The following FLCN variants were observed in gnomAD, a reference collection of about 807,000 sequenced individuals.
FLCN encodes the protein BHD skin lesion fibrofolliculoma protein.
A neutral mutation model predicts 62.5 loss-of-function variants in FLCN; 22 were observed. The observed-to-expected ratio is 0.35, with a 90% CI of 0.25 to 0.50. The LOEUF is 0.50. Among genes scored for constraint, FLCN ranks in the 20% least tolerant of loss-of-function variants. The pLI is 0.97. For missense variants in FLCN, 657 were observed against 778.0 expected, an observed-to-expected ratio of 0.84 and a Z score of 1.85; for synonymous variants, 319 against 310.0, an observed-to-expected ratio of 1.03 and a Z score of -0.30.
intron 6 of FLCN, 160 bp from the exon 7 acceptor site, chr17:17,222,821 C>A: frequency 1.2e-6 from 1 of 804,740 alleles, no homozygotes; most frequent in Admixed American, 2.0e-5. Context: ...TCCAATCATT[C>A]CCAACAGCAT....
intron 9 of FLCN, chr17:17,217,629 G>A (rs2046966852): frequency 3.2e-6 from 1 of 311,994 alleles, no homozygotes; most frequent in Non-Finnish European, 6.2e-6. Context: ...ATCCAGCCGT[G>A]TGCACAAGCC....
rs375082054 is a variant in FLCN, at chr17:17,216,395, G to T, written c.1285C>A (p.His429Asn). 1.4e-5 allele frequency: 22 copies of T among 1,611,868 alleles called. No individual in the cohort carries two copies. Among genetic ancestry groups the T allele is most frequent in the Admixed American group, 5.0e-5 (3 of 59,854 alleles). Reference sequence around the variant, plus strand: ...GGGCACGCACCTGAGGAGAGCACGTGGGGGGGGATCTGCACGTGCGGGCTG... The same window carrying T: ...GGGCACGCACCTGAGGAGAGCACGTTGGGGGGGATCTGCACGTGCGGGCTG... ...GLSPHVQIPP[H>N]VLSSEFAVIV... Residue 429 changes from histidine to asparagine, a missense_variant, in exon 11 of 14, where the codon CAC becomes AAC. Transcript: ENST00000285071. This position sits in a 1 kb window ranked among gnomAD's most constrained non-coding sequence, Gnocchi z 4.0.
chr17:17,216,591 C>T lies in FLCN; in HGVS notation c.1177-88G>A. ...GCTCTACTACCCAAACCCCACACGC[C>T]TCCTGCAGCCCGGTCCAAGCCCTCC... On this transcript the variant is annotated intron_variant, in intron 10 of 13. Coordinates refer to ENST00000285071, the MANE Select transcript of FLCN (RefSeq NM_144997.7). The surrounding 1 kb of genome is among the most constrained non-coding windows in gnomAD (Gnocchi z 4.0). 4 of 1,580,600 alleles carry T rather than the reference C, an allele frequency of 2.5e-6. No homozygotes were observed. Among genetic ancestry groups the T allele is most frequent in the Non-Finnish European group, 3.4e-6 (4 of 1,167,086 alleles).
intron 1 of FLCN, chr17:17,235,887 C>G (rs919686623): frequency 6.6e-6 from 1 of 152,170 alleles, no homozygotes; most frequent in African/African-American, 2.4e-5. Context: ...ATCAACATAT[C>G]CAAAGACAGT....
At chr17:17,214,792 C>T (rs1457868817) in intron 13 of FLCN, among the ~76,000 whole-genome samples, 193 bp downstream of exon 13, 5 of 152,042 alleles carry the variant, frequency 3.3e-5, no homozygotes, top group East Asian at 3.9e-4. Context: ...ATGCAGGAGC[C>T]GGAGGCAGAC....
chr17:17,214,378 G>A (rs1001173793), intron 13 of FLCN, among the ~76,000 whole-genome samples: 10 of 151,420 alleles, frequency 6.6e-5, no homozygotes, highest in South Asian at 2.1e-4. Flanking sequence ...GGCGGATCAC[G>A]AAGTCAGGAG....
intron 1 of FLCN, among the ~76,000 whole-genome samples, chr17:17,235,041 G>C (rs899533981): frequency 6.6e-6 from 1 of 150,862 alleles, no homozygotes; most frequent in Non-Finnish European, 1.5e-5. Flanking sequence ...GAACCCAGGA[G>C]GCACAGCTTG....
chr17:17,215,117 A>C, intron 12 of FLCN, 27 bp from the exon 13 acceptor site: 4 of 1,614,078 alleles, frequency 2.5e-6, no homozygotes, highest in Non-Finnish European at 2.5e-6. Context: ...GGGCAGAGCA[A>C]GGGCAGGCGT....
intron 6 of FLCN, chr17:17,222,998 C>T (rs530117981): frequency 7.5e-6 from 3 of 399,272 alleles, no homozygotes; most frequent in East Asian, 5.6e-5. Flanking sequence ...CACTACTTGG[C>T]TAAGGCACAC....
At chr17:17,231,208 A>G (rs944598548) in intron 3 of FLCN, among the ~76,000 whole-genome samples, 4 of 152,178 alleles carry the variant, frequency 2.6e-5, no homozygotes, top group African/African-American at 9.7e-5. Flanking sequence ...AAAATAAATA[A>G]TGAATTAATT....
chr17:17,222,924 G>A (rs1172812033), intron 6 of FLCN: 1 of 498,838 alleles, frequency 2.0e-6, no homozygotes, highest in Non-Finnish European at 3.7e-6. Flanking sequence ...AAGGCACCCA[G>A]GGGGATTCTC....
intron 6 of FLCN, among the ~76,000 whole-genome samples, chr17:17,223,310 C>T (rs1250990365): frequency 6.6e-6 from 1 of 152,228 alleles, no homozygotes; most frequent in Non-Finnish European, 1.5e-5. Context: ...TCAAGCTGGT[C>T]TCAAACTCCC....
chr17:17,219,327 T>C (rs2047019793), intron 8 of FLCN, 118 bp from the exon 9 acceptor site: 4 of 1,002,202 alleles, frequency 4.0e-6, no homozygotes, highest in Non-Finnish European at 6.2e-6. Context: ...GGCCAGGTCC[T>C]ATGCTCCCTG....
At chr17:17,234,208 T>TTC (rs1567832915) in intron 1 of FLCN, among the ~76,000 whole-genome samples, 1 of 145,288 alleles carries the variant, frequency 6.9e-6, no homozygotes, top group Non-Finnish European at 1.5e-5. Context: ...GTTTTGTTTT[T>TTC]TTTTGGTTTG....
At chr17:17,234,234 A>C (rs1597634633) in intron 1 of FLCN, among the ~76,000 whole-genome samples, 2 of 134,690 alleles carry the variant, frequency 1.5e-5, no homozygotes, top group Non-Finnish European at 1.6e-5. Flanking sequence ...TTTTTTGCGG[A>C]AGGGTCTCAT....
intron 13 of FLCN, 26 bp from the exon 14 acceptor site, chr17:17,213,882 C>CAA (rs777574625): frequency 6.2e-7 from 1 of 1,612,472 alleles, no homozygotes; most frequent in African/African-American, 1.3e-5. Context: ...ACAAAACACT[C>CAA]AGACACCACA....
chr17:17,223,988 G>T lies in FLCN; in HGVS notation c.552C>A (p.Asn184Lys), dbSNP rs143525924. ...TIMMDRIYLI[N>K]SWPFLLGKVR... ...CCTTCCCCAGCAGGAAGGGCCAGGA[G>T]TTGATGAGGTAGATCCGGTCCATCA... The change falls in exon 6 of 14, where the codon AAC becomes AAA. Residue 184 changes from asparagine (N) to lysine (K), a missense_variant. Coordinates refer to ENST00000285071, the MANE Select transcript of FLCN (RefSeq NM_144997.7). 108 of 1,613,600 alleles carry T rather than the reference G, an allele frequency of 6.7e-5. 1 individual carries two copies. The highest frequency in any genetic ancestry group is 8.4e-5 in the Non-Finnish European group (99 of 1,180,048).
intron 3 of FLCN, among the ~76,000 whole-genome samples, chr17:17,230,587 G>GT (rs1455955716): frequency 6.6e-6 from 1 of 151,994 alleles, no homozygotes; most frequent in African/African-American, 2.4e-5. Flanking sequence ...TTAGCTGGGC[G>GT]TGTTGGCGGT....
chr17:17,226,098 G>A, intron 5 of FLCN, 78 bp downstream of exon 5: 1 of 1,593,828 alleles, frequency 6.3e-7, no homozygotes, highest in African/African-American at 1.3e-5. Flanking sequence ...CCTGTGCAAT[G>A]CTGGCTCCGA....
Sources: allele counts gnomAD v4.1 joint callset (sites outside exome capture counted in the v4.1 genomes callset), GRCh38; gene constraint gnomAD v4.1.1; non-coding constraint Gnocchi (gnomAD v3.1); transcripts MANE v1.5; gene names NCBI Gene and HGNC (gene_info 2026-07-23, HGNC 2026-07-21).